Variants in RIN3 observed in about 807,000 individuals in gnomAD.
RIN3 encodes RAB5 interacting protein 3.
RIN3 carries 54 observed loss-of-function variants against 76.3 expected under a neutral mutation model. That is an observed-to-expected ratio of 0.71 (90% CI 0.57 to 0.89). The LOEUF (loss-of-function observed/expected upper bound fraction) is 0.89, where lower values mean the gene tolerates loss of function less well. RIN3 is among the 40% of genes least tolerant of loss of function. The pLI is 0.00. For missense variants in RIN3, 1,256 were observed against 1,322.1 expected (o/e 0.95, Z 0.78); for synonymous variants, 576 against 564.0 (o/e 1.02, Z -0.30).
intron 1 of RIN3, among the ~76,000 whole-genome samples, chr14:92,523,522 C>T (rs1426727471): frequency 1.3e-5 from 2 of 152,208 alleles, no homozygotes; most frequent in Admixed American, 6.5e-5. Flanking sequence ...ATTATATGCC[C>T]GAAGTACTCA....
intron 9 of RIN3, chr14:92,686,260 AC>A (rs1888855197): frequency 6.6e-6 from 1 of 152,156 alleles, no homozygotes; most frequent in African/African-American, 2.4e-5. Flanking sequence ...TTGCTGTGTG[AC>A]CCTCAGCAAT....
At chr14:92,594,496 T>C (rs1270385155) in intron 3 of RIN3, among the ~76,000 whole-genome samples, 1 of 151,112 alleles carries the variant, frequency 6.6e-6, no homozygotes, top group Non-Finnish European at 1.5e-5. Flanking sequence ...GGAATTAAAC[T>C]AGAAATCAAT....
intron 8 of RIN3, 83 bp downstream of exon 8, chr14:92,676,689 G>C: frequency 6.8e-7 from 1 of 1,472,236 alleles, no homozygotes; most frequent in East Asian, 2.3e-5. Flanking sequence ...GGCCCAACAA[G>C]CACCTCCTGG....
chr14:92,628,643 T>C (rs1042134257), intron 4 of RIN3, among the ~76,000 whole-genome samples: 7 of 152,184 alleles, frequency 4.6e-5, no homozygotes, highest in Non-Finnish European at 1.0e-4. Context: ...TGATAGGAAC[T>C]GGAGGCTGGG....
rs761294619 is a variant in RIN3, at chr14:92,653,075, G to A, written c.2026G>A (p.Glu676Lys). ...DPALHSEEELEAIVESALYKC... is the reference protein window; with the variant it reads ...DPALHSEEELKAIVESALYKC... ...CGCCCTGCACTCCGAGGAGGAGCTC[G>A]GTCAGTGCCCTGGGAGGAGGTGGCA... Residue 676 changes from glutamate (E) to lysine (K), a missense_variant and splice_region_variant, in exon 6 of 10, where the codon GAA becomes AAA. Coordinates refer to ENST00000216487, the MANE Select transcript of RIN3 (RefSeq NM_024832.5). 2.7e-5 allele frequency: 43 copies of A among 1,598,428 alleles called. No individual in the cohort carries two copies. In the South Asian group the frequency reaches 3.1e-4, roughly 11 times the overall value.
intron 8 of RIN3, among the ~76,000 whole-genome samples, chr14:92,678,468 T>TCCAC (rs142902678): frequency 4.0e-5 from 2 of 49,460 alleles, no homozygotes; most frequent in African/African-American, 1.7e-4. Context: ...CACCTACCCA[T>TCCAC]CCACCCACCC....
chr14:92,686,941 C>G (rs895837348), intron 9 of RIN3: 1 of 152,250 alleles, frequency 6.6e-6, no homozygotes, highest in Non-Finnish European at 1.5e-5. Context: ...GGGCGGTCCC[C>G]GTGAAGCTCT....
intron 7 of RIN3, among the ~76,000 whole-genome samples, chr14:92,669,649 TG>T (rs1888220820): frequency 4.6e-5 from 7 of 150,802 alleles, no homozygotes; most frequent in Admixed American, 4.6e-4. Flanking sequence ...GGGGGTGAGG[TG>T]GGGGGTAGTT....
intron 1 of RIN3, among the ~76,000 whole-genome samples, chr14:92,547,194 T>A (rs1375105232): frequency 1.5e-5 from 1 of 66,426 alleles, no homozygotes. Flanking sequence ...TATTATAAAA[T>A]AAATTATCTT....
chr14:92,629,023 T>C (rs1886459354), intron 4 of RIN3, among the ~76,000 whole-genome samples: 1 of 152,110 alleles, frequency 6.6e-6, no homozygotes, highest in South Asian at 2.1e-4. Context: ...CTTCTCCACA[T>C]GGAAACGCCT....
rs1888960083 is a variant in RIN3, at chr14:92,688,315, A to G, written c.*63A>G. 7.1e-7 allele frequency: 1 copy of G among 1,416,402 alleles called. No homozygotes were observed. Among genetic ancestry groups the G allele is most frequent in the Admixed American group, 2.6e-5 (1 of 39,034 alleles). The allele number at this position is 1,416,402 out of a possible 1,614,324, so 87.7% of individuals were successfully genotyped here. On this transcript the variant is annotated 3_prime_UTR_variant, in exon 10 of 10. Coordinates refer to ENST00000216487, the MANE Select transcript of RIN3 (RefSeq NM_024832.5). ...CGTCTGGCCCCGCCTCTGGCTGCGC[A>G]CTCCCGACCGCGACGTCCACGCAGC...
chr14:92,623,505 G>A lies in RIN3; in HGVS notation c.440+8026G>A, dbSNP rs759540313. 2.0e-5 allele frequency among the ~76,000 whole-genome samples: 3 copies of A among 152,124 alleles called. No homozygotes were observed. Among genetic ancestry groups the A allele is most frequent in the Non-Finnish European group, 4.4e-5 (3 of 68,026 alleles). On this transcript the variant is annotated intron_variant, in intron 4 of 9. Transcript: ENST00000216487. This position sits in a 1 kb window ranked among gnomAD's most constrained non-coding sequence, Gnocchi z 4.9. ...TCAAATCCTGCAGCTACTGGGTCTC[G>A]GGCTTTGAATCTATCAGGTACCCCC...
At chr14:92,516,278 G>T (rs563591043) in intron 1 of RIN3, among the ~76,000 whole-genome samples, 2 of 152,306 alleles carry the variant, frequency 1.3e-5, no homozygotes, top group Admixed American at 1.3e-4. Context: ...CCTGGTATTG[G>T]GGGAGGTGGT....
chr14:92,568,651 C>T lies in RIN3; in HGVS notation c.250-8709C>T, dbSNP rs777492901. ...CACCCATGGCCACCTGGGCAGGAAACGTCAGAGGACTCCTGGAGCCATGCC... is the reference window on the plus strand; with the variant it reads ...CACCCATGGCCACCTGGGCAGGAAATGTCAGAGGACTCCTGGAGCCATGCC... On this transcript the variant is annotated intron_variant, in intron 2 of 9. Coordinates refer to ENST00000216487, the MANE Select transcript of RIN3 (RefSeq NM_024832.5). This position sits in a 1 kb window ranked among gnomAD's most constrained non-coding sequence, Gnocchi z 4.2. Among the ~76,000 whole-genome samples, 38 of 152,226 alleles carry T rather than the reference C, an allele frequency of 2.5e-4. No homozygotes were observed. Among genetic ancestry groups the T allele is most frequent in the Non-Finnish European group, 3.8e-4 (26 of 68,048 alleles).
intron 1 of RIN3, among the ~76,000 whole-genome samples, chr14:92,532,015 G>C (rs952516234): frequency 1.3e-5 from 2 of 148,264 alleles, no homozygotes; most frequent in Non-Finnish European, 1.5e-5. Context: ...TGCAACCTCC[G>C]CCTCCTGGGT....
chr14:92,534,239 A>ATTTT (rs34391787), intron 1 of RIN3, among the ~76,000 whole-genome samples: 8 of 126,614 alleles, frequency 6.3e-5, no homozygotes, highest in African/African-American at 1.8e-4. Context: ...GAGTCATGTC[A>ATTTT]TTTTTTTTTT....
rs796662506 is a variant in RIN3, at chr14:92,580,666, A to T, written c.367+3189A>T. ...CAGTGGGGAAGGAACAGGGACCCCA[A>T]TGGAAGAAGAGGCTCTGCCACCTTC... On this transcript the variant is annotated intron_variant, in intron 3 of 9. Coordinates refer to ENST00000216487, the MANE Select transcript of RIN3 (RefSeq NM_024832.5). Among the ~76,000 whole-genome samples the T allele has an allele frequency of 2.0e-5, 3 of 152,242 alleles. No homozygotes were observed. The East Asian group carries it at 5.8e-4, about 29-fold the overall frequency.
At chr14:92,607,397 G>T (rs924690901) in intron 3 of RIN3, among the ~76,000 whole-genome samples, 1 of 152,192 alleles carries the variant, frequency 6.6e-6, no homozygotes, top group Non-Finnish European at 1.5e-5. Flanking sequence ...TAATTCCAGC[G>T]TTTTGGGAGA....
chr14:92,598,341 T>C (rs1459837819), intron 3 of RIN3, among the ~76,000 whole-genome samples: 1 of 152,126 alleles, frequency 6.6e-6, no homozygotes, highest in Non-Finnish European at 1.5e-5. Flanking sequence ...ACCCTCCAGA[T>C]CAGACCAGCC....
Sources: allele counts gnomAD v4.1 joint callset (sites outside exome capture counted in the v4.1 genomes callset), GRCh38; gene constraint gnomAD v4.1.1; non-coding constraint Gnocchi (gnomAD v3.1); transcripts MANE v1.5; gene names NCBI Gene and HGNC (gene_info 2026-07-23, HGNC 2026-07-21).